Variants in RAD51B observed in about 807,000 individuals in gnomAD.
The protein encoded by RAD51B is RAD51 paralog B, also known as DNA repair protein RAD51 homolog 2.
Under a neutral mutation model 42.2 loss-of-function variants are expected in RAD51B, and 38 were observed. That is an observed-to-expected ratio of 0.90 (90% CI 0.70 to 1.18). RAD51B has a LOEUF of 1.18. RAD51B is among the 50% of genes most tolerant of loss of function. The pLI, the probability that RAD51B is intolerant of heterozygous loss-of-function variation, is 0.00. For missense variants in RAD51B, 373 were observed against 400.7 expected (o/e 0.93, Z 0.59); for synonymous variants, 154 against 145.2 (o/e 1.06, Z -0.43).
At chr14:68,345,057 A>G (rs1355020593) in intron 8 of RAD51B, among the ~76,000 whole-genome samples, 2 of 152,108 alleles carry the variant, frequency 1.3e-5, no homozygotes, top group Non-Finnish European at 2.9e-5. Context: ...TGGAATGGGA[A>G]TATTTACCCA....
chr14:68,569,712 G>A (rs116134813), intron 10 of RAD51B, among the ~76,000 whole-genome samples: 8,103 of 152,274 alleles, frequency 0.053, 287 homozygotes, highest in African/African-American at 0.1. Flanking sequence ...CTCTAAAAGG[G>A]CCAGGCTAGG....
At chr14:67,894,810 C>A (rs1016113105) in intron 7 of RAD51B, among the ~76,000 whole-genome samples, 1 of 152,096 alleles carries the variant, frequency 6.6e-6, no homozygotes, top group Non-Finnish European at 1.5e-5. Context: ...GAGACAAGGT[C>A]TCTCTCTTTC....
chr14:68,402,352 C>T (rs766188220), intron 8 of RAD51B, among the ~76,000 whole-genome samples: 1 of 152,226 alleles, frequency 6.6e-6, no homozygotes, highest in Non-Finnish European at 1.5e-5. Flanking sequence ...TCAGTCCCTT[C>T]CCCAGTTCAA....
intron 7 of RAD51B, among the ~76,000 whole-genome samples, chr14:68,226,233 T>C (rs767807000): frequency 1.4e-4 from 22 of 152,304 alleles, no homozygotes; most frequent in Non-Finnish European, 2.4e-4. Flanking sequence ...GGTTTTCTAA[T>C]CTATAAAATG....
intron 4 of RAD51B, among the ~76,000 whole-genome samples, chr14:67,848,277 A>C (rs2041688419): frequency 6.6e-6 from 1 of 152,180 alleles, no homozygotes; most frequent in African/African-American, 2.4e-5. Flanking sequence ...TTGGCCTCCC[A>C]AAGTGCTGGG....
intron 10 of RAD51B, among the ~76,000 whole-genome samples, chr14:68,579,748 T>G (rs1276462806): frequency 6.6e-6 from 1 of 152,222 alleles, no homozygotes; most frequent in Non-Finnish European, 1.5e-5. Context: ...AACCCCAGTT[T>G]CTGTTCCCCA....
At chr14:68,154,927 A>T (rs904469487) in intron 7 of RAD51B, among the ~76,000 whole-genome samples, 1 of 152,154 alleles carries the variant, frequency 6.6e-6, no homozygotes, top group Non-Finnish European at 1.5e-5. Context: ...TAACTGAAAG[A>T]TCCATGACAT....
intron 8 of RAD51B, among the ~76,000 whole-genome samples, chr14:68,335,618 A>G (rs1595722198): frequency 1.3e-5 from 2 of 152,166 alleles, no homozygotes; most frequent in Admixed American, 1.3e-4. Flanking sequence ...GGAATCTTTT[A>G]CTGTTTTTCA....
At chr14:68,491,041 G>A (rs1884030225) in intron 10 of RAD51B, among the ~76,000 whole-genome samples, 1 of 152,304 alleles carries the variant, frequency 6.6e-6, no homozygotes, top group African/African-American at 2.4e-5. Flanking sequence ...AAGGGAGCTA[G>A]GAGATAGAGA....
At chr14:68,291,845 C>T (rs2081521874) in intron 7 of RAD51B, 39 bp from the exon 8 acceptor site, 4 of 1,487,088 alleles carry the variant, frequency 2.7e-6, no homozygotes, top group Middle Eastern at 1.7e-4. Flanking sequence ...TGTCTTTCTT[C>T]TCCCTTGCCC....
At chr14:68,373,296 C>T (rs1042133254) in intron 8 of RAD51B, among the ~76,000 whole-genome samples, 6 of 152,102 alleles carry the variant, frequency 3.9e-5, no homozygotes, top group African/African-American at 7.2e-5. Flanking sequence ...CAGATGAAAA[C>T]ATAGAGGCCA....
chr14:68,418,925 G>A (rs2084628069), intron 9 of RAD51B, among the ~76,000 whole-genome samples: 1 of 152,180 alleles, frequency 6.6e-6, no homozygotes, highest in Admixed American at 6.5e-5. Flanking sequence ...AGAACAAAAA[G>A]CATTTAGAAT....
chr14:68,571,739 T>C (rs754807668), intron 10 of RAD51B, among the ~76,000 whole-genome samples: 1 of 152,174 alleles, frequency 6.6e-6, no homozygotes, highest in Non-Finnish European at 1.5e-5. Flanking sequence ...CCCTACCACA[T>C]ATAGTTAGTT....
intron 4 of RAD51B, among the ~76,000 whole-genome samples, chr14:67,838,590 G>A (rs4899225): frequency 5.5e-4 from 83 of 152,078 alleles, no homozygotes; most frequent in Admixed American, 3.1e-3. Context: ...CTACAGGTGT[G>A]CACCACCATG....
chr14:68,384,292 G>A (rs886609218), intron 8 of RAD51B, among the ~76,000 whole-genome samples: 7 of 151,922 alleles, frequency 4.6e-5, no homozygotes, highest in South Asian at 2.1e-4. Flanking sequence ...TGTTGTTTAC[G>A]TGGTTGGAAC....
At chr14:68,316,552 C>T (rs1452163531) in intron 8 of RAD51B, among the ~76,000 whole-genome samples, 1 of 152,178 alleles carries the variant, frequency 6.6e-6, no homozygotes, top group Non-Finnish European at 1.5e-5. Flanking sequence ...CCCTCTTCCA[C>T]ATGTTTCTAA....
chr14:67,928,657 A>C (rs1223767230), intron 7 of RAD51B, among the ~76,000 whole-genome samples: 1 of 152,050 alleles, frequency 6.6e-6, no homozygotes, highest in Non-Finnish European at 1.5e-5. Flanking sequence ...AGCAATCGCC[A>C]TGTTGGCCAT....
In RAD51B at chr14:67,945,667, C is replaced by T. The variant is rs142723664; in HGVS notation, c.756+58463C>T. Among the ~76,000 whole-genome samples, 1,222 of 151,998 alleles carry T rather than the reference C, an allele frequency of 8.0e-3. 15 individuals carry two copies. Among genetic ancestry groups the T allele is most frequent in the African/African-American group, 0.028 (1,146 of 41,454 alleles). ...TGTATTTTTAGTAGAGATGGGGTTT[C>T]GTCATGTTGGCCAGGCTGGTTTCGA... On this transcript the variant is annotated intron_variant, in intron 7 of 10. Coordinates refer to ENST00000471583, the MANE Select transcript of RAD51B (RefSeq NM_133510.4).
At chr14:67,891,287 G>A (rs2043211194) in intron 7 of RAD51B, among the ~76,000 whole-genome samples, 1 of 152,028 alleles carries the variant, frequency 6.6e-6, no homozygotes, top group South Asian at 2.1e-4. Context: ...TTCATTGAAA[G>A]TTGTTGTTAA....
Sources: allele counts gnomAD v4.1 joint callset (sites outside exome capture counted in the v4.1 genomes callset), GRCh38; gene constraint gnomAD v4.1.1; transcripts MANE v1.5; gene names NCBI Gene and HGNC (gene_info 2026-07-23, HGNC 2026-07-21).